RGS20: variants seen among roughly 807,000 people sequenced by gnomAD.
RGS20 encodes the protein regulator of G protein signaling 20, also known as gz-selective GTPase-activating protein.
Under a neutral mutation model 33.6 loss-of-function variants are expected in RGS20, and 30 were observed. The observed-to-expected ratio is 0.89, with a 90% confidence interval of 0.67 to 1.21. The LOEUF is 1.21. Ranked by LOEUF, RGS20 falls within the 50% of genes most tolerant of loss-of-function variation. The pLI is 0.00. For synonymous variants in RGS20, 208 were observed against 197.9 expected, an observed-to-expected ratio of 1.05 and a Z score of -0.43; for missense variants, 472 against 502.4, an observed-to-expected ratio of 0.94 and a Z score of 0.58.
intron 1 of RGS20, among the ~76,000 whole-genome samples, chr8:53,862,728 G>A (rs1811836617): frequency 6.6e-6 from 1 of 152,174 alleles, no homozygotes. Context: ...GAGCCCAGGA[G>A]TTAGAGACTG....
At chr8:53,893,642 A>C (rs1490249550) in intron 2 of RGS20, among the ~76,000 whole-genome samples, 1 of 152,244 alleles carries the variant, frequency 6.6e-6, no homozygotes, top group African/African-American at 2.4e-5. Flanking sequence ...GAGGGGATCT[A>C]GTTATGCAAC....
chr8:53,861,337 C>T (rs2129267872), intron 1 of RGS20, among the ~76,000 whole-genome samples: 1 of 152,324 alleles, frequency 6.6e-6, no homozygotes, highest in Middle Eastern at 3.4e-3. Context: ...CCTCTGTCCT[C>T]TCTTGAGTCA....
At chr8:53,950,803 C>G (rs932163969) in intron 4 of RGS20, among the ~76,000 whole-genome samples, 1 of 151,816 alleles carries the variant, frequency 6.6e-6, no homozygotes, top group Non-Finnish European at 1.5e-5. Flanking sequence ...TTAGTAGAGA[C>G]GGGGTTTCAC....
chr8:53,935,935 TG>T (rs1814117233), intron 2 of RGS20, among the ~76,000 whole-genome samples: 1 of 152,250 alleles, frequency 6.6e-6, no homozygotes, highest in South Asian at 2.1e-4. Context: ...GATGCAAGGC[TG>T]GTTCAACATA....
intron 2 of RGS20, among the ~76,000 whole-genome samples, chr8:53,891,377 G>T (rs1270752747): frequency 1.3e-5 from 2 of 152,142 alleles, no homozygotes; most frequent in African/African-American, 2.4e-5. Flanking sequence ...CCAGCACTTT[G>T]GGAGGCCAAG....
intron 2 of RGS20, 114 bp downstream of exon 1, chr8:53,881,198 T>C: frequency 1.4e-6 from 1 of 734,304 alleles, no homozygotes; most frequent in South Asian, 2.3e-5. Flanking sequence ...GACCTCAGGG[T>C]GTCGCCGTTG....
chr8:53,938,839 G>A (rs1814207054), intron 2 of RGS20, among the ~76,000 whole-genome samples: 1 of 152,154 alleles, frequency 6.6e-6, no homozygotes. Context: ...AGGCTGAAGG[G>A]CACAGATCTT....
At chr8:53,958,160 C>A (rs548620150) in intron 5 of RGS20, 110 bp from the exon 5 acceptor site, 84 of 804,580 alleles carry the variant, frequency 1.0e-4, no homozygotes, top group Non-Finnish European at 1.3e-4. Context: ...AACAAAAAAA[C>A]CAAAAACAAA....
rs12547037 is a variant in RGS20, at chr8:53,947,251, T to A, written c.743+503T>A. ...ACATGCTATATAAGATATAGCATAT[T>A]TATTTATACATGCTATATAAGATAT... is the stretch of plus-strand genomic sequence containing the variant. On this transcript the variant is annotated intron_variant, in intron 4 of 5. Coordinates refer to ENST00000297313, the MANE Select transcript of RGS20 (RefSeq NM_170587.4). 7.5e-3 allele frequency among the ~76,000 whole-genome samples: 1,031 copies of A among 138,134 alleles called. 24 individuals are homozygous for A. Among genetic ancestry groups the A allele is most frequent in the Admixed American group, 0.034 (443 of 13,144 alleles). The allele number at this position is 138,134 out of a possible 152,430, so 90.6% of individuals were successfully genotyped here. A position where few individuals can be genotyped will look rare whatever the true frequency, so the allele number is the denominator to read the frequency against.
chr8:53,918,437 G>A (rs1008705002), intron 2 of RGS20, among the ~76,000 whole-genome samples: 10 of 148,588 alleles, frequency 6.7e-5, no homozygotes, highest in Middle Eastern at 3.5e-3. Context: ...TGCCCGGGCC[G>A]AAGTACAATG....
intron 2 of RGS20, among the ~76,000 whole-genome samples, chr8:53,892,187 A>G (rs1040795672): frequency 6.6e-5 from 10 of 152,160 alleles, no homozygotes; most frequent in Non-Finnish European, 1.2e-4. Flanking sequence ...GATGATTTCC[A>G]GTTTCATCCA....
intron 2 of RGS20, among the ~76,000 whole-genome samples, chr8:53,930,759 G>A (rs1176278899): frequency 6.6e-6 from 1 of 151,970 alleles, no homozygotes; most frequent in Non-Finnish European, 1.5e-5. Context: ...ATGTTGGCCG[G>A]GCTGGTCTCG....
chr8:53,853,489 G>C (rs1429725092), intron 1 of RGS20, among the ~76,000 whole-genome samples: 1 of 152,180 alleles, frequency 6.6e-6, no homozygotes, highest in Non-Finnish European at 1.5e-5. Flanking sequence ...ACAGCAGCAG[G>C]TGAGGGTAGA....
chr8:53,902,341 T>A (rs1037413572), intron 2 of RGS20, among the ~76,000 whole-genome samples: 1 of 152,204 alleles, frequency 6.6e-6, no homozygotes. Context: ...TTTTGACTAT[T>A]ATGTGTAGAA....
chr8:53,946,751 G>A lies in RGS20; in HGVS notation c.743+3G>A, dbSNP rs1198359665. 1.2e-6 allele frequency: 2 copies of A among 1,611,208 alleles called. No homozygotes were observed. Among genetic ancestry groups the A allele is most frequent in the South Asian group, 1.1e-5 (1 of 90,664 alleles). On this transcript the variant is annotated splice_donor_region_variant and intron_variant, in intron 4 of 5. Transcript: ENST00000297313. ...GATCTTCCAACCTGGGAAGAAAGGT[G>A]AAATCACACGTTTTTTTTACCTCAC...
At position 53,879,584 on chromosome 8, in the gene RGS20, G is replaced by A; in HGVS notation, c.492G>A (p.Gly164=). 1.3e-6 allele frequency: 2 copies of A among 1,524,118 alleles called. No homozygotes were observed. Among genetic ancestry groups the A allele is most frequent in the Non-Finnish European group, 1.8e-6 (2 of 1,137,380 alleles). The allele number at this position is 1,524,118 out of a possible 1,614,324, so 94.4% of individuals were successfully genotyped here. ...CCAGGGAAGAAGACGCCACCGCTGG[G>A]CAGAGCTCGCCTATGCCGGTGAGTA... The change falls in exon 2 of 6, where the codon GGG becomes GGA. Residue 164 remains glycine, a synonymous_variant. Coordinates refer to ENST00000297313, the MANE Select transcript of RGS20 (RefSeq NM_170587.4).
At chr8:53,917,679 G>T (rs1339760111) in intron 2 of RGS20, among the ~76,000 whole-genome samples, 1 of 152,184 alleles carries the variant, frequency 6.6e-6, no homozygotes, top group East Asian at 1.9e-4. Flanking sequence ...CAAGGTAGGA[G>T]GATCACTTGA....
At chr8:53,909,777 C>G (rs902492145) in intron 2 of RGS20, among the ~76,000 whole-genome samples, 1 of 152,094 alleles carries the variant, frequency 6.6e-6, no homozygotes, top group African/African-American at 2.4e-5. Context: ...AATGATGAAC[C>G]ATTTCTGAGA....
intron 5 of RGS20, 94 bp from the exon 5 acceptor site, chr8:53,958,176 A>G: frequency 2.1e-6 from 2 of 959,862 alleles, no homozygotes; most frequent in Non-Finnish European, 2.9e-6. Flanking sequence ...ACAAAAAACA[A>G]AAACAACAAC....
Sources: gnomAD v4.1 joint callset for allele counts (sites outside exome capture counted in the v4.1 genomes callset) on GRCh38, gnomAD v4.1.1 for gene constraint, MANE v1.5 for transcripts, NCBI Gene and HGNC (gene_info 2026-07-23, HGNC 2026-07-21) for gene names.